Variants in BCKDHB observed in about 807,000 individuals in gnomAD.
BCKDHB encodes branched chain keto acid dehydrogenase E1 subunit beta, also known as 2-oxoisovalerate dehydrogenase subunit beta, mitochondrial.
A neutral mutation model predicts 48.5 loss-of-function variants in BCKDHB; 41 were observed. That is an observed-to-expected ratio of 0.85 (90% confidence interval 0.66 to 1.10). BCKDHB has a LOEUF of 1.10. BCKDHB is among the 50% of genes least tolerant of loss of function. BCKDHB has a pLI of 0.00. For missense variants in BCKDHB, 496 were observed against 494.2 expected, an observed-to-expected ratio of 1.00 and a Z score of -0.03; for synonymous variants, 201 against 174.8, an observed-to-expected ratio of 1.15 and a Z score of -1.18.
At chr6:80,246,099 G>A (rs1582432760) in intron 8 of BCKDHB, among the ~76,000 whole-genome samples, 1 of 152,240 alleles carries the variant, frequency 6.6e-6, no homozygotes, top group South Asian at 2.1e-4. Context: ...ATGGATGAAT[G>A]AGAGAAAGAC....
At chr6:80,384,643 C>T in the BCKDHB span, among the ~76,000 whole-genome samples, 4 of 152,140 alleles carry the variant, frequency 2.6e-5, no homozygotes, top group African/African-American at 7.2e-5. Flanking sequence ...AGGTATGAGC[C>T]GCCGTGCCTG....
chr6:80,231,364 GTTA>G (rs1252568869), intron 8 of BCKDHB, among the ~76,000 whole-genome samples: 5 of 152,112 alleles, frequency 3.3e-5, no homozygotes, highest in African/African-American at 4.8e-5. Context: ...AAAAAGGAAT[GTTA>G]TTATGTATTA....
chr6:80,211,018 G>C (rs742834), intron 8 of BCKDHB, among the ~76,000 whole-genome samples: 28,678 of 152,056 alleles, frequency 0.19, 3,468 homozygotes, highest in South Asian at 0.34. Context: ...TTCAGAGAAG[G>C]TGCCTTCAAA....
intron 8 of BCKDHB, among the ~76,000 whole-genome samples, chr6:80,228,301 A>G (rs916803145): frequency 3.3e-5 from 5 of 152,230 alleles, no homozygotes; most frequent in Non-Finnish European, 7.3e-5. Flanking sequence ...CCAGTGAACT[A>G]AAAGTCTATT....
At chr6:80,147,650 G>A (rs775679402) in intron 3 of BCKDHB, among the ~76,000 whole-genome samples, 3 of 152,138 alleles carry the variant, frequency 2.0e-5, no homozygotes, top group Admixed American at 6.5e-5. Flanking sequence ...GTGACCTTCG[G>A]TGTGCGTCAG....
the BCKDHB span, among the ~76,000 whole-genome samples, chr6:80,424,316 C>A: frequency 7.2e-5 from 11 of 152,122 alleles, no homozygotes; most frequent in Non-Finnish European, 1.2e-4. Flanking sequence ...TCAAAGCACG[C>A]TTTTAAGTTA....
chr6:80,216,029 C>T (rs965822822), intron 8 of BCKDHB, among the ~76,000 whole-genome samples: 2 of 152,142 alleles, frequency 1.3e-5, no homozygotes, highest in East Asian at 3.8e-4. Context: ...CGTGAGCCAC[C>T]GTGCCCGGCC....
At chr6:80,353,509 TC>T in the BCKDHB span, among the ~76,000 whole-genome samples, 1 of 151,018 alleles carries the variant, frequency 6.6e-6, no homozygotes, top group South Asian at 2.1e-4. Context: ...TGTATAGGAT[TC>T]TTTTTTCTCT....
At chr6:80,153,696 T>G (rs997946130) in intron 3 of BCKDHB, among the ~76,000 whole-genome samples, 4 of 152,186 alleles carry the variant, frequency 2.6e-5, no homozygotes, top group African/African-American at 9.6e-5. Context: ...TATAAAATGC[T>G]TTATGGTTTG....
chr6:80,216,646 G>A (rs1219804126), intron 8 of BCKDHB, among the ~76,000 whole-genome samples: 2 of 152,056 alleles, frequency 1.3e-5, no homozygotes, highest in Non-Finnish European at 2.9e-5. Flanking sequence ...AAAGAAATCC[G>A]TTACCTCATT....
At chr6:80,194,591 C>T (rs960425464) in intron 6 of BCKDHB, among the ~76,000 whole-genome samples, 3 of 152,054 alleles carry the variant, frequency 2.0e-5, no homozygotes, top group Admixed American at 1.3e-4. Flanking sequence ...GTAGACTGCT[C>T]CTCAAATTGG....
At chr6:80,247,015 A>C (rs1277665015) in intron 8 of BCKDHB, among the ~76,000 whole-genome samples, 1 of 152,190 alleles carries the variant, frequency 6.6e-6, no homozygotes, top group East Asian at 1.9e-4. Context: ...GAGCCAGGGA[A>C]ACTGCTTTAA....
intron 6 of BCKDHB, among the ~76,000 whole-genome samples, chr6:80,196,507 T>C (rs1162107390): frequency 6.6e-6 from 1 of 152,206 alleles, no homozygotes; most frequent in Non-Finnish European, 1.5e-5. Flanking sequence ...TCCATCTTTG[T>C]AACTCACAGT....
chr6:80,356,438 T>A, the BCKDHB span: 1 of 152,208 alleles, frequency 6.6e-6, no homozygotes, highest in Non-Finnish European at 1.5e-5. Flanking sequence ...AATGTACAAT[T>A]TTCAAATGAT....
chr6:80,316,901 G>A (rs936884289), intron 9 of BCKDHB, among the ~76,000 whole-genome samples: 4 of 151,828 alleles, frequency 2.6e-5, no homozygotes, highest in Non-Finnish European at 4.4e-5. Context: ...AATGTGCTTA[G>A]TTGGCTCAAA....
rs551632775 is a variant in BCKDHB at position 80,230,026 on chromosome 6, G to GTTTTT, written c.951+26840_951+26844dup. 6.9e-3 allele frequency among the ~76,000 whole-genome samples: 416 copies of GTTTTT among 60,654 alleles called. 24 individuals carry two copies. Among genetic ancestry groups the GTTTTT allele is most frequent in the African/African-American group, 0.013 (182 of 14,474 alleles). 39.8% of individuals were successfully genotyped at this position (60,654 alleles called of 152,430 possible). The stretch of plus-strand genomic sequence containing the variant: ...TGAATTCCAAAGGGGTTTTTAGGTT[G>GTTTTT]TTTTTTTTTTTTTTTTTTTTTTTTT... On this transcript the variant is annotated intron_variant, in intron 8 of 9. Coordinates refer to ENST00000320393, the MANE Select transcript of BCKDHB (RefSeq NM_183050.4).
At chr6:80,247,464 G>A (rs1438304453) in intron 8 of BCKDHB, among the ~76,000 whole-genome samples, 4 of 152,216 alleles carry the variant, frequency 2.6e-5, no homozygotes, top group African/African-American at 4.8e-5. Flanking sequence ...ATTTATAACC[G>A]GAATTATTAG....
chr6:80,150,176 T>G lies in BCKDHB; in HGVS notation c.344-17502T>G, dbSNP rs542827005. ...CTCTCTTTCCACTTCAAATCCAACC[T>G]CTATTCTGGACCCTGCTCATCTTCT... On this transcript the variant is annotated intron_variant, in intron 3 of 9. Coordinates refer to ENST00000320393, the MANE Select transcript of BCKDHB (RefSeq NM_183050.4). Among the ~76,000 whole-genome samples, 3 of 152,200 alleles carry G rather than the reference T, an allele frequency of 2.0e-5. No homozygotes were observed. The South Asian group carries it at 6.2e-4, about 32-fold the overall frequency.
At chr6:80,361,956 G>C in the BCKDHB span, among the ~76,000 whole-genome samples, 3 of 152,038 alleles carry the variant, frequency 2.0e-5, no homozygotes, top group Non-Finnish European at 4.4e-5. Flanking sequence ...TAGAAAGAGT[G>C]GTCCTGGGAG....
Sources: allele counts gnomAD v4.1 joint callset (sites outside exome capture counted in the v4.1 genomes callset), GRCh38; gene constraint gnomAD v4.1.1; transcripts MANE v1.5; gene names NCBI Gene and HGNC (gene_info 2026-07-23, HGNC 2026-07-21).